ANKRD11: variants seen among roughly 807,000 people sequenced by gnomAD.
The protein encoded by ANKRD11 is ankyrin repeat domain-containing protein 11.
Under a neutral mutation model 195.7 loss-of-function variants are expected in ANKRD11, and 17 were observed. That is an observed-to-expected ratio of 0.09 (90% CI 0.06 to 0.13). The LOEUF (loss-of-function observed/expected upper bound fraction) is 0.13. ANKRD11 is among the 10% of genes least tolerant of loss of function. ANKRD11 has a pLI of 1.00. For missense variants in ANKRD11, 3,735 were observed against 3,566.1 expected (o/e 1.05, Z -1.21); for synonymous variants, 1,953 against 1,528.1 (o/e 1.28, Z -6.49).
chr16:89,298,820 AG>A (rs1464709744), intron 4 of ANKRD11: 1 of 152,226 alleles, frequency 6.6e-6, no homozygotes, highest in Non-Finnish European at 1.5e-5. Flanking sequence ...ACGTCTAGAG[AG>A]GAAAAATGGT....
chr16:89,365,983 G>T (rs996471536), intron 2 of ANKRD11, among the ~76,000 whole-genome samples: 1 of 151,888 alleles, frequency 6.6e-6, no homozygotes, highest in African/African-American at 2.4e-5. Context: ...TCCCTGCATT[G>T]GTTTGTTAAG....
intron 2 of ANKRD11, among the ~76,000 whole-genome samples, chr16:89,335,284 C>G (rs59826423): frequency 2.0e-5 from 3 of 152,138 alleles, no homozygotes; most frequent in Non-Finnish European, 4.4e-5. Flanking sequence ...GCCAGTGCAC[C>G]CCCAAGCAGG....
At chr16:89,314,092 T>C (rs530741386) in intron 3 of ANKRD11, among the ~76,000 whole-genome samples, 2 of 152,204 alleles carry the variant, frequency 1.3e-5, no homozygotes, top group East Asian at 3.9e-4. Context: ...GGTGTAGCGG[T>C]CTGCTCCTGT....
intron 1 of ANKRD11, among the ~76,000 whole-genome samples, chr16:89,446,608 A>G (rs1422760312): frequency 6.6e-6 from 1 of 152,164 alleles, no homozygotes; most frequent in African/African-American, 2.4e-5. Flanking sequence ...CGTCTCAAAC[A>G]AAAACAAAAA....
chr16:89,374,055 A>G (rs2040312039), intron 2 of ANKRD11, among the ~76,000 whole-genome samples: 1 of 152,254 alleles, frequency 6.6e-6, no homozygotes, highest in African/African-American at 2.4e-5. Flanking sequence ...GACAACACGC[A>G]AGTGTGAGGC....
At chr16:89,402,735 G>A (rs2041748995) in intron 2 of ANKRD11, among the ~76,000 whole-genome samples, 2 of 147,732 alleles carry the variant, frequency 1.4e-5, no homozygotes, top group African/African-American at 5.0e-5. Context: ...GGCTCTGTGG[G>A]GTGAGATAGG....
intron 1 of ANKRD11, among the ~76,000 whole-genome samples, chr16:89,419,484 T>C (rs1011478353): frequency 6.8e-6 from 1 of 146,214 alleles, no homozygotes; most frequent in African/African-American, 2.5e-5. Context: ...TGAATAAAAC[T>C]ATATAATTTC....
chr16:89,364,837 C>A (rs1280610006), intron 2 of ANKRD11, among the ~76,000 whole-genome samples: 2 of 152,212 alleles, frequency 1.3e-5, no homozygotes. Context: ...AGCACCACGG[C>A]CAACCTGATC....
chr16:89,348,755 G>A (rs1038442578), intron 2 of ANKRD11, among the ~76,000 whole-genome samples: 1 of 151,632 alleles, frequency 6.6e-6, no homozygotes, highest in Non-Finnish European at 1.5e-5. Flanking sequence ...TTCCCTTATT[G>A]TACTTTGAAT....
At chr16:89,465,212 G>A (rs1387354179) in intron 1 of ANKRD11, among the ~76,000 whole-genome samples, 1 of 152,172 alleles carries the variant, frequency 6.6e-6, no homozygotes, top group Non-Finnish European at 1.5e-5. Context: ...CAGAAAAACT[G>A]AGATGGAGTT....
At chr16:89,319,424 C>A (rs1198151563) in intron 2 of ANKRD11, among the ~76,000 whole-genome samples, 1 of 152,262 alleles carries the variant, frequency 6.6e-6, no homozygotes, top group African/African-American at 2.4e-5. Flanking sequence ...GCCTGCATCA[C>A]AGCGAACACT....
At chr16:89,386,885 G>T (rs963495146) in intron 2 of ANKRD11, among the ~76,000 whole-genome samples, 4 of 152,148 alleles carry the variant, frequency 2.6e-5, no homozygotes, top group African/African-American at 9.6e-5. Flanking sequence ...CCTGAGAAGT[G>T]TGCCAGCAAG....
At chr16:89,453,865 C>T (rs1166596877) in intron 1 of ANKRD11, among the ~76,000 whole-genome samples, 5 of 152,270 alleles carry the variant, frequency 3.3e-5, no homozygotes, top group Admixed American at 3.3e-4. Flanking sequence ...TGCCCAGGGT[C>T]CAGTGCTGGC....
intron 2 of ANKRD11, among the ~76,000 whole-genome samples, chr16:89,404,022 A>T (rs929916167): frequency 2.6e-5 from 4 of 152,236 alleles, no homozygotes; most frequent in African/African-American, 7.2e-5. Context: ...GAGACTCAGA[A>T]CTATGGCAAA....
At chr16:89,435,796 TCACACACACACACACA>T (rs58503159) in intron 1 of ANKRD11, among the ~76,000 whole-genome samples, 24 of 143,110 alleles carry the variant, frequency 1.7e-4, no homozygotes, top group Middle Eastern at 3.5e-3. Context: ...CACCAGCTCT[TCACACACACACACACA>T]CACACACACA....
At chr16:89,471,046 ATCC>A (rs1452194534) in intron 1 of ANKRD11, among the ~76,000 whole-genome samples, 1 of 151,428 alleles carries the variant, frequency 6.6e-6, no homozygotes, top group East Asian at 1.9e-4. Flanking sequence ...TCCTTCCTAC[ATCC>A]TCAATTTAAA....
intron 1 of ANKRD11, among the ~76,000 whole-genome samples, chr16:89,438,708 C>T (rs2043321150): frequency 6.6e-6 from 1 of 152,170 alleles, no homozygotes; most frequent in African/African-American, 2.4e-5. Flanking sequence ...GAACCAAGCA[C>T]AGTCCCTTCG....
chr16:89,391,322 C>T (rs1034347877), intron 2 of ANKRD11, among the ~76,000 whole-genome samples: 1 of 152,060 alleles, frequency 6.6e-6, no homozygotes, highest in African/African-American at 2.4e-5. Context: ...CACAGGAACC[C>T]AGGGCTTGCG....
intron 2 of ANKRD11, among the ~76,000 whole-genome samples, chr16:89,377,475 G>A (rs559691620): frequency 2.0e-5 from 3 of 152,172 alleles, no homozygotes; most frequent in East Asian, 1.9e-4. Context: ...CATGTGGGCC[G>A]GGGCAGGAGG....
Sources: gnomAD v4.1 joint callset for allele counts (sites outside exome capture counted in the v4.1 genomes callset) on GRCh38, gnomAD v4.1.1 for gene constraint, MANE v1.5 for transcripts, NCBI Gene and HGNC (gene_info 2026-07-23, HGNC 2026-07-21) for gene names.